Variants in TENM3 observed in about 807,000 individuals in gnomAD.
The protein encoded by TENM3 is teneurin transmembrane protein 3, also known as teneurin-3.
A neutral mutation model predicts 255.1 loss-of-function variants in TENM3; 63 were observed. That is an observed-to-expected ratio of 0.25 (90% CI 0.20 to 0.30). The LOEUF (loss-of-function observed/expected upper bound fraction) is 0.30, where lower values mean the gene tolerates loss of function less well. TENM3 is among the 10% of genes least tolerant of loss of function. The pLI is 1.00. For missense variants in TENM3, 2,929 were observed against 3,461.1 expected (o/e 0.85, Z 3.86); for synonymous variants, 1,306 against 1,322.3 (o/e 0.99, Z 0.27).
At chr4:182,522,418 A>G (rs2151790176) in intron 3 of TENM3, among the ~76,000 whole-genome samples, 1 of 152,308 alleles carries the variant, frequency 6.6e-6, no homozygotes, top group South Asian at 2.1e-4. Flanking sequence ...AGTCCCACGT[A>G]TGAATGAGAA....
chr4:181,861,975 C>T, the TENM3 span, among the ~76,000 whole-genome samples: 1 of 152,048 alleles, frequency 6.6e-6, no homozygotes, highest in African/African-American at 2.4e-5. Flanking sequence ...GAAATATCCC[C>T]ACAGATTGAA....
At position 182,304,954 on chromosome 4, in the gene TENM3, C is replaced by T. The variant is rs544211980; in HGVS notation, c.-75-18992C>T. Among the ~76,000 whole-genome samples the T allele has an allele frequency of 4.7e-3, 707 of 151,982 alleles. 4 individuals are homozygous for T. The highest frequency in any genetic ancestry group is 0.016 in the African/African-American group (662 of 41,490). Reference sequence around the variant, plus strand: ...GGGTTTTTCTTTCTTTCTCTTTTTTCTTTTTCTTCTTCTCCTCCTCTGTCC... The same window carrying T: ...GGGTTTTTCTTTCTTTCTCTTTTTTTTTTTTCTTCTTCTCCTCCTCTGTCC... On this transcript the variant is annotated intron_variant, in intron 1 of 27. Coordinates refer to ENST00000511685, the MANE Select transcript of TENM3 (RefSeq NM_001080477.4).
intron 6 of TENM3, among the ~76,000 whole-genome samples, chr4:182,666,334 A>G (rs998801366): frequency 2.6e-5 from 4 of 152,244 alleles, no homozygotes; most frequent in Non-Finnish European, 5.9e-5. Flanking sequence ...AAGATGTTCT[A>G]CTGTGGGTAA....
chr4:182,772,771 AC>A (rs1561231469), intron 22 of TENM3, among the ~76,000 whole-genome samples: 2 of 152,150 alleles, frequency 1.3e-5, no homozygotes, highest in African/African-American at 4.8e-5. Flanking sequence ...TAAAAAAAAA[AC>A]AAATAATCAT....
the TENM3 span, among the ~76,000 whole-genome samples, chr4:182,039,680 G>A: frequency 7.9e-5 from 12 of 151,574 alleles, no homozygotes; most frequent in Admixed American, 2.6e-4. Context: ...TGGGATAGAC[G>A]ATTGTCACTG....
chr4:182,328,177 T>C (rs984762571), intron 2 of TENM3, among the ~76,000 whole-genome samples: 3 of 152,156 alleles, frequency 2.0e-5, no homozygotes, highest in Non-Finnish European at 2.9e-5. Context: ...TTATTCTTTA[T>C]TTGTAGAGTG....
chr4:181,809,830 G>A, the TENM3 span, among the ~76,000 whole-genome samples: 3 of 152,228 alleles, frequency 2.0e-5, no homozygotes, highest in African/African-American at 4.8e-5. Context: ...AAGCAGAGAC[G>A]ATGTGGCCCT....
At chr4:181,673,362 C>T in the TENM3 span, among the ~76,000 whole-genome samples, 215 of 152,178 alleles carry the variant, frequency 1.4e-3, no homozygotes, top group African/African-American at 4.7e-3. Context: ...TCAGAATATA[C>T]GTTTTATAAA....
chr4:181,711,620 G>C, the TENM3 span, among the ~76,000 whole-genome samples: 1 of 152,332 alleles, frequency 6.6e-6, no homozygotes, highest in Admixed American at 6.5e-5. Flanking sequence ...CCCCTACCTT[G>C]TGATTTACAA....
the TENM3 span, among the ~76,000 whole-genome samples, chr4:181,883,679 G>A: frequency 1.8e-4 from 28 of 152,028 alleles, 1 homozygote; most frequent in Middle Eastern, 3.2e-3. Context: ...TTTCATCGTT[G>A]TGTTAGCCAG....
At chr4:182,298,878 T>C (rs71636178) in intron 1 of TENM3, among the ~76,000 whole-genome samples, 2 of 144,488 alleles carry the variant, frequency 1.4e-5, no homozygotes. Flanking sequence ...GAGGCTGAGG[T>C]GGGAGGATGG....
the TENM3 span, among the ~76,000 whole-genome samples, chr4:182,021,195 A>G: frequency 0.54 from 82,158 of 152,040 alleles, 22,730 homozygotes; most frequent in Middle Eastern, 0.62. Flanking sequence ...ATTCACTTAG[A>G]ATAATAGCCT....
chr4:181,925,466 T>C, the TENM3 span, among the ~76,000 whole-genome samples: 2 of 152,234 alleles, frequency 1.3e-5, no homozygotes, highest in Non-Finnish European at 2.9e-5. Context: ...ACACATAATT[T>C]ACAATTCACA....
At chr4:182,197,875 C>A (rs577709388) in intron 1 of TENM3, among the ~76,000 whole-genome samples, 1 of 152,160 alleles carries the variant, frequency 6.6e-6, no homozygotes, top group Non-Finnish European at 1.5e-5. Flanking sequence ...GAGGCCGAGG[C>A]GGTCGGATCA....
chr4:182,363,627 A>G (rs1766193263), intron 3 of TENM3, among the ~76,000 whole-genome samples: 2 of 152,130 alleles, frequency 1.3e-5, no homozygotes, highest in South Asian at 4.1e-4. Context: ...TTTAAAGAAT[A>G]TGTATACAAA....
At chr4:182,175,314 A>AAATATATAT (rs60217194) in intron 1 of TENM3, among the ~76,000 whole-genome samples, 2 of 117,578 alleles carry the variant, frequency 1.7e-5, no homozygotes, top group African/African-American at 3.3e-5. Context: ...AAAAAAAAAA[A>AAATATATAT]ATATATATAT....
rs750474473 is a variant in TENM3 at position 182,681,992 on chromosome 4, G to A, written c.2013G>A (p.Trp671Ter). 1 of 1,613,856 alleles carries A rather than the reference G, an allele frequency of 6.2e-7. No individual in the cohort carries two copies. The highest frequency in any genetic ancestry group is 1.1e-5 in the South Asian group (1 of 91,074). ...GCTCCTGCACGTGTGACCCTAACTG[G>A]ACTGGCCCAGACTGCTCAAACGGTG... ...ESGSCTCDPN[W>*]TGPDCSNEIC... Residue 671 changes from tryptophan (W) to a stop codon, truncating the protein, a stop_gained, in exon 11 of 28, where the codon TGG (tryptophan) becomes TGA (stop). Coordinates refer to ENST00000511685, the MANE Select transcript of TENM3 (RefSeq NM_001080477.4). LOFTEE classifies it high-confidence loss of function.
the TENM3 span, among the ~76,000 whole-genome samples, chr4:181,453,618 C>G: frequency 6.6e-6 from 1 of 152,060 alleles, no homozygotes; most frequent in Admixed American, 6.6e-5. Context: ...CGTAGTTCCC[C>G]CTGCCCACCC....
chr4:182,531,310 G>A (rs886164543), intron 3 of TENM3, among the ~76,000 whole-genome samples: 1 of 152,046 alleles, frequency 6.6e-6, no homozygotes, highest in Non-Finnish European at 1.5e-5. Context: ...ATAGTAATGG[G>A]GACATAAAAT....
Sources: gnomAD v4.1 joint callset for allele counts (sites outside exome capture counted in the v4.1 genomes callset) on GRCh38, gnomAD v4.1.1 for gene constraint, MANE v1.5 for transcripts, NCBI Gene and HGNC (gene_info 2026-07-23, HGNC 2026-07-21) for gene names.